TBC1D19: variants seen among roughly 807,000 people sequenced by gnomAD.
The protein encoded by TBC1D19 is TBC1 domain family member 19.
A neutral mutation model predicts 89.0 loss-of-function variants in TBC1D19; 60 were observed. The observed-to-expected ratio is 0.67, with a 90% confidence interval of 0.55 to 0.84. The LOEUF is 0.84. TBC1D19 is among the 40% of genes least tolerant of loss of function. TBC1D19 has a pLI of 0.00. For synonymous variants in TBC1D19, 189 were observed against 199.7 expected (o/e 0.95, Z 0.45); for missense variants, 500 against 610.8 (o/e 0.82, Z 1.91).
chr4:26,621,510 C>T (rs540981909), intron 4 of TBC1D19, among the ~76,000 whole-genome samples: 9 of 152,260 alleles, frequency 5.9e-5, no homozygotes, highest in African/African-American at 2.2e-4. Context: ...CCCATGAACC[C>T]ATCACTCAGC....
chr4:26,794,912 A>G, the TBC1D19 span, among the ~76,000 whole-genome samples: 1 of 152,224 alleles, frequency 6.6e-6, no homozygotes, highest in Non-Finnish European at 1.5e-5. Context: ...CCAAGTTGCC[A>G]TCATCCACCA....
chr4:26,850,770 G>A, the TBC1D19 span, among the ~76,000 whole-genome samples: 4 of 152,042 alleles, frequency 2.6e-5, no homozygotes, highest in Non-Finnish European at 4.4e-5. Context: ...TGGTTAAGCC[G>A]CCCAGTCTGT....
the TBC1D19 span, among the ~76,000 whole-genome samples, chr4:26,764,144 T>G: frequency 6.6e-6 from 1 of 152,208 alleles, no homozygotes; most frequent in South Asian, 2.1e-4. Context: ...TTTGAATAAG[T>G]TTAACAAGTA....
intron 13 of TBC1D19, among the ~76,000 whole-genome samples, chr4:26,688,945 A>G (rs1714047387): frequency 6.6e-6 from 1 of 151,992 alleles, no homozygotes; most frequent in Non-Finnish European, 1.5e-5. Flanking sequence ...GTTCTTTTTT[A>G]AAAAGATATG....
intron 15 of TBC1D19, among the ~76,000 whole-genome samples, chr4:26,732,292 AC>A (rs1717714140): frequency 6.6e-6 from 1 of 152,080 alleles, no homozygotes; most frequent in African/African-American, 2.4e-5. Context: ...CTTCCAGGTC[AC>A]CCTTGTCAGA....
chr4:26,819,313 T>C, the TBC1D19 span, among the ~76,000 whole-genome samples: 1 of 152,188 alleles, frequency 6.6e-6, no homozygotes, highest in Non-Finnish European at 1.5e-5. Flanking sequence ...CTGGTGGGAA[T>C]GACTGCTGGG....
intron 13 of TBC1D19, among the ~76,000 whole-genome samples, chr4:26,694,983 C>G (rs1341938845): frequency 6.6e-6 from 1 of 152,188 alleles, no homozygotes; most frequent in Non-Finnish European, 1.5e-5. Context: ...AAAGTCAGAG[C>G]ACCACTCCCC....
chr4:26,766,593 A>G, the TBC1D19 span, among the ~76,000 whole-genome samples: 1 of 152,206 alleles, frequency 6.6e-6, no homozygotes, highest in African/African-American at 2.4e-5. Context: ...TGCTTTGTGG[A>G]GAACTATGCA....
chr4:26,834,962 C>T, the TBC1D19 span, among the ~76,000 whole-genome samples: 1 of 152,118 alleles, frequency 6.6e-6, no homozygotes, highest in Non-Finnish European at 1.5e-5. Flanking sequence ...TAGAACTGAA[C>T]TGATATTTGA....
the TBC1D19 span, among the ~76,000 whole-genome samples, chr4:26,827,874 C>T: frequency 3.3e-5 from 5 of 152,040 alleles, no homozygotes; most frequent in South Asian, 2.1e-4. Context: ...GCATGTGTGC[C>T]GCTGTGCCCA....
At chr4:26,609,137 A>T (rs1437759472) in intron 1 of TBC1D19, among the ~76,000 whole-genome samples, 1 of 150,948 alleles carries the variant, frequency 6.6e-6, no homozygotes, top group Admixed American at 6.6e-5. Context: ...GCAGCACACC[A>T]ACATGGCACA....
At chr4:26,741,371 A>G (rs1718367419) in intron 17 of TBC1D19, among the ~76,000 whole-genome samples, 1 of 151,312 alleles carries the variant, frequency 6.6e-6, no homozygotes, top group East Asian at 1.9e-4. Context: ...TCAAAAAAAA[A>G]AAAAAAAAAA....
chr4:26,591,235 T>C lies in TBC1D19; in HGVS notation c.99+6943T>C, dbSNP rs956925269. 2.0e-5 allele frequency among the ~76,000 whole-genome samples: 3 copies of C among 152,278 alleles called. No individual in the cohort carries two copies. In the East Asian group the frequency reaches 5.8e-4, roughly 29 times the overall value. Reference sequence around the variant, plus strand: ...CTTTTTGTGGCTTGATAGCTGATTTTTTTTTCTGTTTAGTAATATTTTATT... The same window carrying C: ...CTTTTTGTGGCTTGATAGCTGATTTCTTTTTCTGTTTAGTAATATTTTATT... On this transcript the variant is annotated intron_variant, in intron 1 of 20. Coordinates refer to ENST00000264866, the MANE Select transcript of TBC1D19 (RefSeq NM_018317.4).
chr4:26,775,919 C>T, the TBC1D19 span, among the ~76,000 whole-genome samples: 2 of 151,972 alleles, frequency 1.3e-5, no homozygotes, highest in African/African-American at 4.8e-5. Context: ...GGGTTTCATT[C>T]CCATGCAGTT....
chr4:26,853,588 A>G, the TBC1D19 span, among the ~76,000 whole-genome samples: 5 of 151,796 alleles, frequency 3.3e-5, no homozygotes, highest in Non-Finnish European at 5.9e-5. Context: ...CCCAGGCTGG[A>G]GTGCAGTGGT....
intron 9 of TBC1D19, among the ~76,000 whole-genome samples, chr4:26,667,659 T>C (rs1212337736): frequency 6.6e-6 from 1 of 152,074 alleles, no homozygotes; most frequent in Admixed American, 6.6e-5. Flanking sequence ...ATGATCATTC[T>C]AGTATGTGTT....
chr4:26,718,116 T>C, intron 14 of TBC1D19, 99 bp downstream of exon 14: 1 of 830,448 alleles, frequency 1.2e-6, no homozygotes. Context: ...CAAATTATTA[T>C]AAATTACTTA....
At chr4:26,785,632 T>C in the TBC1D19 span, among the ~76,000 whole-genome samples, 2 of 152,166 alleles carry the variant, frequency 1.3e-5, no homozygotes, top group Non-Finnish European at 2.9e-5. Flanking sequence ...GAAAAAGAAC[T>C]CAATCTGGAT....
chr4:26,805,424 C>T, the TBC1D19 span, among the ~76,000 whole-genome samples: 2 of 152,182 alleles, frequency 1.3e-5, no homozygotes, highest in African/African-American at 4.8e-5. Context: ...GATTCAGTCC[C>T]GCAGCTTCAA....
Sources: allele counts gnomAD v4.1 joint callset (sites outside exome capture counted in the v4.1 genomes callset), GRCh38; gene constraint gnomAD v4.1.1; transcripts MANE v1.5; gene names NCBI Gene and HGNC (gene_info 2026-07-23, HGNC 2026-07-21).